The following SPECC1 variants were observed in gnomAD, a reference collection of about 807,000 sequenced individuals.
SPECC1 encodes cytospin-B.
A neutral mutation model predicts 104.1 loss-of-function variants in SPECC1; 62 were observed. The observed-to-expected ratio is 0.60, with a 90% CI of 0.49 to 0.74. SPECC1 has a LOEUF of 0.74. SPECC1 is among the 30% of genes least tolerant of loss of function. The pLI is 0.00. For missense variants in SPECC1, 1,306 were observed against 1,310.5 expected, an observed-to-expected ratio of 1.00 and a Z score of 0.05; for synonymous variants, 513 against 501.6, an observed-to-expected ratio of 1.02 and a Z score of -0.30.
chr17:20,026,373 G>A (rs7208033), intron 1 of SPECC1, among the ~76,000 whole-genome samples: 10,505 of 152,040 alleles, frequency 0.069, 985 homozygotes, highest in African/African-American at 0.21. Context: ...TGTACAATAA[G>A]TTATTGGTAA....
chr17:20,156,013 A>G (rs1484398948), intron 3 of SPECC1: 1 of 1,285,840 alleles, frequency 7.8e-7, no homozygotes, highest in Non-Finnish European at 9.8e-7. Flanking sequence ...GGCGGGGCCC[A>G]CGGGCGCGGG....
intron 3 of SPECC1, among the ~76,000 whole-genome samples, chr17:20,143,000 C>G (rs2031009488): frequency 6.7e-6 from 1 of 149,542 alleles, no homozygotes; most frequent in African/African-American, 2.5e-5. Flanking sequence ...GACCCTGTCT[C>G]AAAAAAAATA....
chr17:20,261,501 C>CAAAAAAAAAAAAAAAAAAAAAA (rs75833770), intron 12 of SPECC1, among the ~76,000 whole-genome samples: 1 of 54,742 alleles, frequency 1.8e-5, no homozygotes, highest in Non-Finnish European at 4.1e-5. Context: ...GACTCCGTCT[C>CAAAAAAAAAAAAAAAAAAAAAA]AAAAAAAAAA....
intron 3 of SPECC1, among the ~76,000 whole-genome samples, chr17:20,163,562 CTCTTT>C (rs2033364611): frequency 6.7e-6 from 1 of 148,936 alleles, no homozygotes; most frequent in African/African-American, 2.6e-5. Context: ...TTCTCTCTCT[CTCTTT>C]TTTTTTTTTT....
rs541170199 is a variant in SPECC1, at chr17:20,299,575, A to G, written c.3057+2498A>G. The stretch of plus-strand genomic sequence containing the variant: ...TGTCTCAAAAAAAAAAAAAAAAAAA[A>G]AAAAGAAAAGAAAAAAAACCTTCAC... On this transcript the variant is annotated intron_variant, in intron 13 of 14. Transcript: ENST00000395527. Among the ~76,000 whole-genome samples the G allele has an allele frequency of 4.0e-3, 471 of 118,048 alleles. 1 individual carries two copies. The highest frequency in any genetic ancestry group is 5.8e-3 in the African/African-American group (190 of 32,834). The allele number at this position is 118,048 out of a possible 152,430, so 77.4% of individuals were successfully genotyped here. A position where few individuals can be genotyped will look rare whatever the true frequency, so the allele number is the denominator to read the frequency against.
At chr17:20,214,310 A>T (rs576839732) in intron 4 of SPECC1, among the ~76,000 whole-genome samples, 2 of 152,072 alleles carry the variant, frequency 1.3e-5, no homozygotes, top group Non-Finnish European at 2.9e-5. Flanking sequence ...AAAATTGTTT[A>T]ATTTTTATTT....
intron 3 of SPECC1, among the ~76,000 whole-genome samples, chr17:20,160,061 T>C (rs1442210144): frequency 6.6e-6 from 1 of 152,238 alleles, no homozygotes; most frequent in Admixed American, 6.5e-5. Flanking sequence ...GCTTATTATT[T>C]GTTTTAAATT....
chr17:20,268,060 A>G (rs1381475113), intron 12 of SPECC1, among the ~76,000 whole-genome samples: 1 of 152,138 alleles, frequency 6.6e-6, no homozygotes, highest in African/African-American at 2.4e-5. Flanking sequence ...AGACGAAAAT[A>G]TATACCGGTA....
Position 20,204,694 on chromosome 17 carries a change from A to C in SPECC1, c.645A>C (p.Thr215=). ...CTTTGGGCCCAAATGTCGATGGAAC[A>C]TCAGTCTCCCCAGGTGACACGGAAC... ...TDALGPNVDG[T]SVSPGDTEPM... The change falls in exon 4 of 15, where the codon ACA becomes ACC. Residue 215 remains threonine, a synonymous_variant. Coordinates refer to ENST00000395527, the MANE Select transcript of SPECC1 (RefSeq NM_001243439.2). 1 of 1,613,944 alleles carries C rather than the reference A, an allele frequency of 6.2e-7. No individual in the cohort carries two copies. The highest frequency in any genetic ancestry group is 8.5e-7 in the Non-Finnish European group (1 of 1,179,968).
intron 1 of SPECC1, among the ~76,000 whole-genome samples, chr17:20,047,638 C>T (rs1007183472): frequency 6.6e-6 from 1 of 152,060 alleles, no homozygotes; most frequent in African/African-American, 2.4e-5. Context: ...CACTCTGTCA[C>T]CCAGGCTGGA....
intron 1 of SPECC1, among the ~76,000 whole-genome samples, chr17:20,028,688 A>G (rs1051708366): frequency 1.3e-5 from 2 of 150,682 alleles, no homozygotes; most frequent in South Asian, 2.1e-4. Flanking sequence ...TGTTTTGGCT[A>G]TTCTCAAGGT....
chr17:20,023,731 C>T (rs2044489037), intron 1 of SPECC1, among the ~76,000 whole-genome samples: 1 of 152,010 alleles, frequency 6.6e-6, no homozygotes, highest in Non-Finnish European at 1.5e-5. Context: ...ATAAAAAATC[C>T]ACACGTGGAA....
At chr17:20,306,336 C>G (rs1403594493) in intron 14 of SPECC1, among the ~76,000 whole-genome samples, 1 of 152,064 alleles carries the variant, frequency 6.6e-6, no homozygotes, top group Non-Finnish European at 1.5e-5. Flanking sequence ...TTATTAGAGC[C>G]CTCTTGTTCA....
chr17:20,180,838 T>C (rs982626492), intron 3 of SPECC1, among the ~76,000 whole-genome samples: 15 of 152,128 alleles, frequency 9.9e-5, no homozygotes, highest in African/African-American at 3.6e-4. Flanking sequence ...TGCAAACATA[T>C]TTATTGCGAA....
intron 4 of SPECC1, 25 bp from the exon 5 acceptor site, chr17:20,227,388 C>T: frequency 6.2e-7 from 1 of 1,600,398 alleles, no homozygotes; most frequent in Non-Finnish European, 8.5e-7. Context: ...TGTTAACTGA[C>T]CAAGGAACCT....
chr17:20,151,038 CTTAGA>C (rs1221933395), intron 3 of SPECC1, among the ~76,000 whole-genome samples: 1 of 152,026 alleles, frequency 6.6e-6, no homozygotes. Flanking sequence ...CCTTAAAACG[CTTAGA>C]TTATAGGTGA....
intron 3 of SPECC1, among the ~76,000 whole-genome samples, chr17:20,193,270 T>A (rs559293794): frequency 1.4e-3 from 215 of 152,218 alleles, no homozygotes; most frequent in African/African-American, 4.8e-3. Flanking sequence ...ATCAGCAAGG[T>A]CTTTATGACC....
At chr17:20,088,727 G>A (rs1175926945) in intron 1 of SPECC1, among the ~76,000 whole-genome samples, 2 of 152,156 alleles carry the variant, frequency 1.3e-5, no homozygotes, top group African/African-American at 2.4e-5. Context: ...CAGGCAAGCC[G>A]TCATTTAATT....
At chr17:20,116,803 CTTTTTTTTTTTTTT>C (rs58127201) in intron 3 of SPECC1, among the ~76,000 whole-genome samples, 17 of 50,424 alleles carry the variant, frequency 3.4e-4, no homozygotes, top group Admixed American at 8.9e-4. Context: ...TGTCTGGAGA[CTTTTTTTTTTTTTT>C]TTTTTTTTTT....
Sources: allele counts gnomAD v4.1 joint callset (sites outside exome capture counted in the v4.1 genomes callset), GRCh38; gene constraint gnomAD v4.1.1; transcripts MANE v1.5; gene names NCBI Gene and HGNC (gene_info 2026-07-23, HGNC 2026-07-21).